Variants in HMGXB4 observed in about 807,000 individuals in gnomAD.
HMGXB4 encodes HMG-box containing 4.
Under a neutral mutation model 63.9 loss-of-function variants are expected in HMGXB4, and 27 were observed. The ratio of observed to expected loss-of-function variants is 0.42; its 90% CI spans 0.31 to 0.58. HMGXB4 has a LOEUF of 0.58. Among genes scored for constraint, HMGXB4 ranks in the 20% least tolerant of loss-of-function variants. HMGXB4 has a pLI of 0.13. For missense variants in HMGXB4, 624 were observed against 700.7 expected (o/e 0.89, Z 1.24); for synonymous variants, 264 against 265.3 (o/e 0.99, Z 0.05).
At chr22:35,293,504 A>C (rs1407551391) in intron 10 of HMGXB4, 103 bp from the exon 11 acceptor site, 1 of 791,872 alleles carries the variant, frequency 1.3e-6, no homozygotes, top group Non-Finnish European at 2.2e-6. Flanking sequence ...CTGTTTTTCT[A>C]ACTCCATTTG....
At chr22:35,256,541 C>T (rs1207049444), upstream of HMGXB4, among the ~76,000 whole-genome samples, 1 of 152,118 alleles carries the variant, frequency 6.6e-6, no homozygotes, top group African/African-American at 2.4e-5. Flanking sequence ...ACTCTGTCCC[C>T]CAGGCTGGAG....
rs768250561 is a variant in HMGXB4, at chr22:35,264,891, A to G, written c.503A>G (p.Lys168Arg). 6 of 1,614,144 alleles carry G rather than the reference A, an allele frequency of 3.7e-6. No homozygotes were observed. Among genetic ancestry groups the G allele is most frequent in the East Asian group, 2.2e-5 (1 of 44,880 alleles). The change falls in exon 5 of 11, where the codon AAA becomes AGA. Residue 168 changes from lysine to arginine, a missense_variant. Lys to Arg is a conservative substitution (Grantham distance 26, BLOSUM62 2). Coordinates refer to ENST00000216106, the MANE Select transcript of HMGXB4 (RefSeq NM_001003681.3). ...ELPLEDGGSH[K>R]SKKMKPLYVN... ...CCCCTAGAGGATGGTGGCTCCCACA[A>G]ATCGAAAAAAATGAAACCTCTCTAT...
chr22:35,265,399 G>A lies in HMGXB4; in HGVS notation c.1011G>A (p.Lys337=). ...KKKDKEKHKE[K]RHSKSKRSLG... is the part of the protein sequence containing the mutation. The stretch of plus-strand genomic sequence containing the variant: ...AAGACAAGGAGAAGCATAAAGAGAA[G>A]CGACACTCCAAGTCCAAGAGAAGTT... Residue 337 remains lysine, a synonymous_variant, in exon 5 of 11, where the codon AAG becomes AAA. Transcript: ENST00000216106. 6.2e-7 allele frequency: 1 copy of A among 1,614,120 alleles called. No homozygotes were observed. The highest frequency in any genetic ancestry group is 8.5e-7 in the Non-Finnish European group (1 of 1,180,034).
chr22:35,262,942 C>A, intron 2 of HMGXB4, 136 bp from the exon 3 acceptor site: 1 of 803,978 alleles, frequency 1.2e-6, no homozygotes, highest in Non-Finnish European at 2.1e-6. Context: ...GGGTCTAGCC[C>A]TGTATTTCAG....
intron 5 of HMGXB4, among the ~76,000 whole-genome samples, chr22:35,267,999 G>A (rs1028574075): frequency 9.9e-5 from 15 of 152,172 alleles, no homozygotes; most frequent in South Asian, 2.1e-4. Flanking sequence ...CAGGAGAATC[G>A]CTTGAGCCCA....
Position 35,287,329 on chromosome 22 carries a change from T to A in HMGXB4, c.1363-18T>A, listed in dbSNP as rs1381446900. On this transcript the variant is annotated intron_variant, in intron 7 of 10. Coordinates refer to ENST00000216106, the MANE Select transcript of HMGXB4 (RefSeq NM_001003681.3). ...TGTCCTTCTTAATTTAATTTAATGTTCACTGATGTGATTGCAGATTTGGAA... is the reference window on the plus strand; with the variant it reads ...TGTCCTTCTTAATTTAATTTAATGTACACTGATGTGATTGCAGATTTGGAA... The A allele has an allele frequency of 6.4e-7, 1 of 1,572,870 alleles. No individual in the cohort carries two copies. Among genetic ancestry groups the A allele is most frequent in the African/African-American group, 1.4e-5 (1 of 73,828 alleles).
In HMGXB4 at chr22:35,265,946, T is replaced by C. The variant is rs1379161929; in HGVS notation, c.1215+343T>C. 3.3e-5 allele frequency among the ~76,000 whole-genome samples: 5 copies of C among 151,160 alleles called. No homozygotes were observed. The East Asian group carries it at 5.9e-4, about 18-fold the overall frequency. On this transcript the variant is annotated intron_variant, in intron 5 of 10. Transcript: ENST00000216106. ...ACCCGCCACCACACCCGACTAATTT[T>C]TTTTTTTTTTTTTTGTATTTTTAAT...
chr22:35,292,863 T>A, intron 9 of HMGXB4, 129 bp from the exon 10 acceptor site: 1 of 1,075,490 alleles, frequency 9.3e-7, no homozygotes, highest in Non-Finnish European at 1.3e-6. Context: ...AAGTAAACTT[T>A]CCATTTCTGC....
intron 1 of HMGXB4, among the ~76,000 whole-genome samples, chr22:35,257,921 G>C (rs1215005737): frequency 6.6e-6 from 1 of 152,108 alleles, no homozygotes; most frequent in Non-Finnish European, 1.5e-5. Flanking sequence ...CGCCGGAGAC[G>C]CGGGAACCCG....
the HMGXB4 span, among the ~76,000 whole-genome samples, chr22:35,243,900 A>G: frequency 1.3e-5 from 2 of 152,142 alleles, no homozygotes; most frequent in African/African-American, 4.8e-5. Context: ...TCTGGCCTCC[A>G]TGATTTCTGA....
intron 5 of HMGXB4, among the ~76,000 whole-genome samples, chr22:35,274,027 A>C (rs1213263900): frequency 6.6e-6 from 1 of 152,186 alleles, no homozygotes; most frequent in African/African-American, 2.4e-5. Flanking sequence ...TCTGCTCTTA[A>C]ATCCTCCCAG....
At chr22:35,268,641 C>T (rs910928757) in intron 5 of HMGXB4, among the ~76,000 whole-genome samples, 2 of 152,194 alleles carry the variant, frequency 1.3e-5, no homozygotes, top group African/African-American at 4.8e-5. Context: ...AGTGTATAAC[C>T]TGCCATCTGG....
intron 7 of HMGXB4, among the ~76,000 whole-genome samples, chr22:35,286,615 T>C (rs1924592891): frequency 6.6e-6 from 1 of 152,148 alleles, no homozygotes; most frequent in Admixed American, 6.5e-5. Flanking sequence ...TTTGGGAGGC[T>C]GAGGCGGTGG....
At chr22:35,258,482 A>G (rs545917411) in intron 1 of HMGXB4, 3 of 152,316 alleles carry the variant, frequency 2.0e-5, no homozygotes, top group East Asian at 3.9e-4. Flanking sequence ...TTGTCAGCCA[A>G]TCTGTGCGGT....
chr22:35,259,342 A>T (rs925969932), intron 1 of HMGXB4, among the ~76,000 whole-genome samples: 4 of 152,226 alleles, frequency 2.6e-5, no homozygotes, highest in Admixed American at 6.5e-5. Context: ...GAATTTTATA[A>T]ACTCCCAAAT....
upstream of HMGXB4, among the ~76,000 whole-genome samples, chr22:35,253,301 A>G (rs370992323): frequency 1.3e-4 from 20 of 152,282 alleles, no homozygotes; most frequent in East Asian, 2.3e-3. Context: ...TGGCCCATCT[A>G]TTGGGGCACA....
intron 5 of HMGXB4, among the ~76,000 whole-genome samples, chr22:35,273,022 C>G (rs1166250963): frequency 6.6e-6 from 1 of 152,198 alleles, no homozygotes; most frequent in Admixed American, 6.5e-5. Flanking sequence ...CACATTTTCT[C>G]TAAACCTAAG....
chr22:35,242,709 G>A, the HMGXB4 span, among the ~76,000 whole-genome samples: 4 of 151,972 alleles, frequency 2.6e-5, no homozygotes, highest in Admixed American at 6.5e-5. Flanking sequence ...CTTGAGATGG[G>A]AGCTTCAATT....
chr22:35,272,964 G>A (rs1923698651), intron 5 of HMGXB4, among the ~76,000 whole-genome samples: 2 of 152,122 alleles, frequency 1.3e-5, no homozygotes, highest in African/African-American at 4.8e-5. Context: ...CCGTAATGTT[G>A]CCATTTCAGA....
Sources: gnomAD v4.1 joint callset for allele counts (sites outside exome capture counted in the v4.1 genomes callset) on GRCh38, gnomAD v4.1.1 for gene constraint, MANE v1.5 for transcripts, NCBI Gene and HGNC (gene_info 2026-07-23, HGNC 2026-07-21) for gene names.